Variants in ZNHIT6 observed in about 807,000 individuals in gnomAD.
ZNHIT6 encodes the protein zinc finger HIT-type containing 6, also known as box C/D snoRNA protein 1.
A neutral mutation model predicts 57.2 loss-of-function variants in ZNHIT6; 45 were observed. The ratio of observed to expected loss-of-function variants is 0.79; its 90% CI spans 0.62 to 1.01. The LOEUF is 1.01. ZNHIT6 is among the 50% of genes least tolerant of loss of function. ZNHIT6 has a pLI of 0.00. For missense variants in ZNHIT6, 528 were observed against 567.3 expected (o/e 0.93, Z 0.70); for synonymous variants, 188 against 190.0 (o/e 0.99, Z 0.09).
intron 8 of ZNHIT6, among the ~76,000 whole-genome samples, chr1:85,662,752 G>A (rs932634256): frequency 6.6e-6 from 1 of 152,122 alleles, no homozygotes; most frequent in African/African-American, 2.4e-5. Flanking sequence ...AAATGAGGAC[G>A]ATACCTGCTT....
intron 8 of ZNHIT6, among the ~76,000 whole-genome samples, chr1:85,665,403 C>T (rs1258524446): frequency 6.6e-6 from 1 of 151,940 alleles, no homozygotes; most frequent in African/African-American, 2.4e-5. Flanking sequence ...GGGATTACAA[C>T]AGGTGTGAGC....
chr1:85,657,958 C>A lies in ZNHIT6; in HGVS notation c.1261G>T (p.Asp421Tyr). ...TTGTCTAGGAGACTTTTATAAGGATCTAGTTCATAATATCTTATTAATAAA... is the reference window on the plus strand; with the variant it reads ...TTGTCTAGGAGACTTTTATAAGGATATAGTTCATAATATCTTATTAATAAA... ...QQNLVRYYEL[D>Y]PYKSLLDNLR... The change falls in exon 9 of 10, where the codon GAT becomes TAT. Residue 421 changes from aspartate to tyrosine, a missense_variant. Asp to Tyr is a radical substitution (Grantham distance 160). Coordinates refer to ENST00000370574, the MANE Select transcript of ZNHIT6 (RefSeq NM_017953.4). 6.6e-7 allele frequency: 1 copy of A among 1,513,800 alleles called. No individual in the cohort carries two copies. The highest frequency in any genetic ancestry group is 9.0e-7 in the Non-Finnish European group (1 of 1,108,318). The allele number at this position is 1,513,800 out of a possible 1,614,324, so 93.8% of individuals were successfully genotyped here. A position where few individuals can be genotyped will look rare whatever the true frequency, so the allele number is the denominator to read the frequency against.
At position 85,698,370 on chromosome 1, in the gene ZNHIT6, C is replaced by T. The variant is rs17395346; in HGVS notation, c.1019+3787G>A. ...GGTGTCTGGATTAGAATGAACCTAT[C>T]CCAGTCAGCTGCTACAATCACCTTC... is the stretch of plus-strand genomic sequence containing the variant. On this transcript the variant is annotated intron_variant, in intron 5 of 9. Coordinates refer to ENST00000370574, the MANE Select transcript of ZNHIT6 (RefSeq NM_017953.4). Among the ~76,000 whole-genome samples the T allele has an allele frequency of 9.5e-3, 1,441 of 152,194 alleles. 58 individuals are homozygous for T. Among genetic ancestry groups the T allele is most frequent in the Admixed American group, 0.063 (958 of 15,288 alleles).
At position 85,702,208 on chromosome 1, in the gene ZNHIT6, A is replaced by T. The variant is rs751060591; in HGVS notation, c.968T>A (p.Leu323Gln). The stretch of plus-strand genomic sequence containing the variant: ...CTTCCTCTTGGTGAATCCATTGGGT[A>T]GAAGTTTTAAGTTAATACCTTGCCT... ...ARRQGINLKL[L>Q]PNGFTKRKEN... Residue 323 changes from leucine (L) to glutamine (Q), a missense_variant, in exon 5 of 10, where the codon CTA becomes CAA. Transcript: ENST00000370574. 1 of 1,611,554 alleles carries T rather than the reference A, an allele frequency of 6.2e-7. No individual in the cohort carries two copies. The highest frequency in any genetic ancestry group is 1.1e-5 in the South Asian group (1 of 90,186).
rs1016465208 is a variant in ZNHIT6 at position 85,651,367 on chromosome 1, A to T, written c.*2691T>A. On this transcript the variant is annotated 3_prime_UTR_variant, in exon 10 of 10. Coordinates refer to ENST00000370574, the MANE Select transcript of ZNHIT6 (RefSeq NM_017953.4). The stretch of plus-strand genomic sequence containing the variant: ...ATTCTCGTGCCCCAGCTTCCTGAGT[A>T]GCTGGAATTACAGGTGCCTGCCACC... 2.6e-5 allele frequency: 4 copies of T among 152,008 alleles called. No homozygotes were observed. The highest frequency in any genetic ancestry group is 9.7e-5 in the African/African-American group (4 of 41,350). 9.4% of individuals were successfully genotyped at this position (152,008 alleles called of 1,614,324 possible).
At chr1:85,666,669 T>G (rs1661378872) in intron 8 of ZNHIT6, among the ~76,000 whole-genome samples, 1 of 152,146 alleles carries the variant, frequency 6.6e-6, no homozygotes, top group African/African-American at 2.4e-5. Context: ...AAGTTAACAA[T>G]TCTTATCATA....
rs1260354193 is a variant in ZNHIT6 at position 85,654,109 on chromosome 1, A to G, written c.1373-11T>C. The G allele has an allele frequency of 1.2e-6, 2 of 1,609,268 alleles. No individual in the cohort carries two copies. Among genetic ancestry groups the G allele is most frequent in the Non-Finnish European group, 8.5e-7 (1 of 1,177,524 alleles). ...TAGATTCACTCTTCACTAGAAAAAA[A>G]TAAGTAAACATACAGTCAAGTGTTT... On this transcript the variant is annotated splice_polypyrimidine_tract_variant and intron_variant, in intron 9 of 9. Transcript: ENST00000370574.
intron 8 of ZNHIT6, among the ~76,000 whole-genome samples, chr1:85,668,575 A>G (rs1661453458): frequency 6.6e-6 from 1 of 152,234 alleles, no homozygotes; most frequent in Non-Finnish European, 1.5e-5. Flanking sequence ...TCTCCAGTAT[A>G]TACTTAATTC....
chr1:85,695,100 C>A (rs1382673301), intron 5 of ZNHIT6, among the ~76,000 whole-genome samples: 1 of 151,998 alleles, frequency 6.6e-6, no homozygotes, highest in African/African-American at 2.4e-5. Context: ...TTCCTCTCTA[C>A]TAAAACACAA....
Position 85,653,189 on chromosome 1 carries a change from A to AT in ZNHIT6, c.*868dup, listed in dbSNP as rs1660960811. On this transcript the variant is annotated 3_prime_UTR_variant, in exon 10 of 10. Transcript: ENST00000370574. Reference sequence around the variant, plus strand: ...TGGCTCAAACAATGTGGAGCCACTGATTTTCTGAAGTGAATATAAGAAACA... The same window carrying AT: ...TGGCTCAAACAATGTGGAGCCACTGATTTTTCTGAAGTGAATATAAGAAACA... The AT allele has an allele frequency of 6.6e-6, 1 of 152,200 alleles. No homozygotes were observed. The highest frequency in any genetic ancestry group is 1.5e-5 in the Non-Finnish European group (1 of 68,046). The allele number at this position is 152,200 out of a possible 1,614,324, so 9.4% of individuals were successfully genotyped here. A position where few individuals can be genotyped will look rare whatever the true frequency, so the allele number is the denominator to read the frequency against.
intron 5 of ZNHIT6, among the ~76,000 whole-genome samples, chr1:85,681,542 C>T (rs1433696528): frequency 6.6e-6 from 1 of 152,162 alleles, no homozygotes; most frequent in Non-Finnish European, 1.5e-5. Context: ...GAATCCAATA[C>T]AGAAATTTAA....
chr1:85,666,446 A>G (rs1041476256), intron 8 of ZNHIT6, among the ~76,000 whole-genome samples: 2 of 152,168 alleles, frequency 1.3e-5, no homozygotes, highest in Non-Finnish European at 2.9e-5. Context: ...AGAATAGAAT[A>G]TATTTGAAGT....
intron 8 of ZNHIT6, among the ~76,000 whole-genome samples, chr1:85,667,986 G>T (rs1466757534): frequency 7.0e-5 from 4 of 56,820 alleles, no homozygotes; most frequent in African/African-American, 1.5e-4. Context: ...ATATATATAT[G>T]CTCTGCTTTC....
At chr1:85,667,991 GCTTT>G (rs769232260) in intron 8 of ZNHIT6, among the ~76,000 whole-genome samples, 1 of 82,566 alleles carries the variant, frequency 1.2e-5, no homozygotes, top group Non-Finnish European at 2.2e-5. Context: ...TATATGCTCT[GCTTT>G]CTAAGTTAGA....
intron 5 of ZNHIT6, among the ~76,000 whole-genome samples, chr1:85,683,909 TGTTCCACTA>T (rs1393988955): frequency 6.6e-6 from 1 of 151,912 alleles, no homozygotes; most frequent in African/African-American, 2.4e-5. Context: ...TCTAGATGAG[TGTTCCACTA>T]GGAACACTCA....
chr1:85,698,964 G>A (rs1429638307), intron 5 of ZNHIT6, among the ~76,000 whole-genome samples: 2 of 152,032 alleles, frequency 1.3e-5, no homozygotes, highest in African/African-American at 4.8e-5. Context: ...TACTACTTTA[G>A]TTGGTATTAA....
intron 4 of ZNHIT6, among the ~76,000 whole-genome samples, chr1:85,705,083 T>G (rs905311174): frequency 6.6e-6 from 1 of 152,238 alleles, no homozygotes; most frequent in Non-Finnish European, 1.5e-5. Flanking sequence ...TTGGTCTCCC[T>G]GCTTCCAATC....
chr1:85,674,095 T>C (rs1298427114), intron 8 of ZNHIT6, among the ~76,000 whole-genome samples: 1 of 152,134 alleles, frequency 6.6e-6, no homozygotes, highest in African/African-American at 2.4e-5. Flanking sequence ...AATGATGCCA[T>C]CACTACTCAA....
At chr1:85,705,841 A>G (rs181520740) in intron 4 of ZNHIT6, among the ~76,000 whole-genome samples, 164 of 152,268 alleles carry the variant, frequency 1.1e-3, no homozygotes, top group African/African-American at 3.6e-3. Flanking sequence ...TTTATTTTCT[A>G]TATGAACTTA....
Sources: allele counts gnomAD v4.1 joint callset (sites outside exome capture counted in the v4.1 genomes callset), GRCh38; gene constraint gnomAD v4.1.1; transcripts MANE v1.5; gene names NCBI Gene and HGNC (gene_info 2026-07-23, HGNC 2026-07-21).